The following GLIS3 variants were observed in gnomAD, a reference collection of about 807,000 sequenced individuals.
GLIS3 encodes zinc finger protein GLIS3.
A neutral mutation model predicts 78.6 loss-of-function variants in GLIS3; 53 were observed. The ratio of observed to expected loss-of-function variants is 0.67; its 90% CI spans 0.54 to 0.85. The LOEUF (loss-of-function observed/expected upper bound fraction) is 0.85, where lower values mean the gene tolerates loss of function less well. Ranked by LOEUF, GLIS3 falls within the 40% of genes least tolerant of loss-of-function variation. The pLI is 0.00. For synonymous variants in GLIS3, 684 were observed against 509.9 expected (o/e 1.34, Z -4.60); for missense variants, 1,703 against 1,231.1 (o/e 1.38, Z -5.74).
At chr9:4,147,520 C>G (rs895599229) in intron 2 of GLIS3, 2 of 152,200 alleles carry the variant, frequency 1.3e-5, no homozygotes, top group African/African-American at 4.8e-5. Flanking sequence ...GTGCAGAGTA[C>G]TTGGCATACA....
chr9:4,086,869 G>C (rs1353153520), intron 4 of GLIS3, among the ~76,000 whole-genome samples: 1 of 152,210 alleles, frequency 6.6e-6, no homozygotes, highest in Non-Finnish European at 1.5e-5. Context: ...CTGTTCTTCA[G>C]TTGTAGCATT....
chr9:4,393,441 T>C, the GLIS3 span, among the ~76,000 whole-genome samples: 1 of 152,214 alleles, frequency 6.6e-6, no homozygotes, highest in South Asian at 2.1e-4. Flanking sequence ...CACAGTATCA[T>C]TAGCTAATCC....
At chr9:4,114,906 C>G (rs1831516347) in intron 4 of GLIS3, among the ~76,000 whole-genome samples, 2 of 152,174 alleles carry the variant, frequency 1.3e-5, no homozygotes, top group South Asian at 4.1e-4. Flanking sequence ...AATTCACAGC[C>G]CTCCCCCAGT....
chr9:4,459,536 G>A, the GLIS3 span, among the ~76,000 whole-genome samples: 1 of 152,240 alleles, frequency 6.6e-6, no homozygotes. Flanking sequence ...GGCCAAGATG[G>A]GAGGATCACT....
the GLIS3 span, among the ~76,000 whole-genome samples, chr9:4,489,603 A>G: frequency 6.6e-6 from 1 of 152,156 alleles, no homozygotes; most frequent in Non-Finnish European, 1.5e-5. Context: ...ACTTAGCAAC[A>G]CCAAATATAT....
intron 2 of GLIS3, among the ~76,000 whole-genome samples, chr9:4,164,557 C>T (rs1314745045): frequency 6.6e-6 from 1 of 152,188 alleles, no homozygotes; most frequent in Non-Finnish European, 1.5e-5. Flanking sequence ...TCCTGCTCCC[C>T]TCACTTCTCC....
chr9:4,317,511 G>C (rs756929125), intron 2 of GLIS3, among the ~76,000 whole-genome samples: 2 of 152,126 alleles, frequency 1.3e-5, no homozygotes, highest in Non-Finnish European at 2.9e-5. Flanking sequence ...GTCTAAAGAA[G>C]ACACAAAATC....
In GLIS3 at chr9:4,298,365, A is replaced by C. The variant is rs193116478; in HGVS notation, c.-99+1056T>G. On this transcript the variant is annotated intron_variant, in intron 1 of 10. Coordinates refer to ENST00000381971, the MANE Select transcript of GLIS3 (RefSeq NM_001042413.2). ...CGCGGAGCCAGAAACCCTTCCCCAA[A>C]GTTTCTCCCGCCAGGTACCTAATTG... 2.6e-3 allele frequency: 1,174 copies of C among 455,974 alleles called. 15 individuals carry two copies. Among genetic ancestry groups the C allele is most frequent in the African/African-American group, 0.021 (1,059 of 50,144 alleles). The allele number at this position is 455,974 out of a possible 1,614,324, so 28.2% of individuals were successfully genotyped here.
intron 9 of GLIS3, among the ~76,000 whole-genome samples, chr9:3,853,314 T>G (rs879259079): frequency 2.0e-5 from 3 of 152,234 alleles, no homozygotes; most frequent in Non-Finnish European, 2.9e-5. Flanking sequence ...AAGAGTATTT[T>G]GCCAAGAGGT....
At chr9:3,916,286 A>C (rs1378122686) in intron 6 of GLIS3, among the ~76,000 whole-genome samples, 1 of 152,230 alleles carries the variant, frequency 6.6e-6, no homozygotes, top group Non-Finnish European at 1.5e-5. Context: ...TCAAAAGAAT[A>C]TCTCTATTCT....
At chr9:4,266,577 T>C (rs1826026833) in intron 2 of GLIS3, among the ~76,000 whole-genome samples, 2 of 140,108 alleles carry the variant, frequency 1.4e-5, no homozygotes, top group Non-Finnish European at 3.0e-5. Flanking sequence ...GCCTACATTT[T>C]ACACATGCAT....
chr9:4,179,232 G>A (rs955445124), intron 2 of GLIS3, among the ~76,000 whole-genome samples: 4 of 152,198 alleles, frequency 2.6e-5, no homozygotes, highest in African/African-American at 9.6e-5. Context: ...CAATTTGAAA[G>A]CACAGGGGCT....
chr9:4,369,765 A>C, the GLIS3 span, among the ~76,000 whole-genome samples: 1 of 152,224 alleles, frequency 6.6e-6, no homozygotes, highest in East Asian at 1.9e-4. Flanking sequence ...GACAAGTTGG[A>C]ACCATGAACT....
the GLIS3 span, among the ~76,000 whole-genome samples, chr9:4,391,373 C>T: frequency 6.6e-6 from 1 of 152,160 alleles, no homozygotes; most frequent in African/African-American, 2.4e-5. Flanking sequence ...GGGGTGTGTT[C>T]TCTTATTGGT....
intron 2 of GLIS3, among the ~76,000 whole-genome samples, chr9:4,236,542 G>C (rs1421908610): frequency 6.6e-6 from 1 of 152,040 alleles, no homozygotes; most frequent in African/African-American, 2.4e-5. Context: ...GTAAGCTGTA[G>C]AGGCATACCT....
intron 5 of GLIS3, among the ~76,000 whole-genome samples, chr9:3,934,650 C>G (rs1825795251): frequency 6.6e-6 from 1 of 152,202 alleles, no homozygotes; most frequent in Non-Finnish European, 1.5e-5. Context: ...CTCAGGTGAT[C>G]CACCCACCTT....
intron 4 of GLIS3, among the ~76,000 whole-genome samples, chr9:4,077,694 CG>C (rs532274440): frequency 7.2e-5 from 11 of 151,900 alleles, no homozygotes; most frequent in African/African-American, 1.7e-4. Context: ...ACAGGGGGCG[CG>C]GGGGGGTAAG....
At chr9:4,453,135 T>A in the GLIS3 span, among the ~76,000 whole-genome samples, 572 of 152,212 alleles carry the variant, frequency 3.8e-3, 4 homozygotes, top group African/African-American at 0.013. Context: ...CTGGATCCCT[T>A]CCTTACACCT....
At chr9:3,911,623 T>C (rs1824162985) in intron 6 of GLIS3, among the ~76,000 whole-genome samples, 1 of 152,234 alleles carries the variant, frequency 6.6e-6, no homozygotes. Flanking sequence ...AGACCCAGAC[T>C]ACGTGGAGTT....
Sources: gnomAD v4.1 joint callset for allele counts (sites outside exome capture counted in the v4.1 genomes callset) on GRCh38, gnomAD v4.1.1 for gene constraint, MANE v1.5 for transcripts, NCBI Gene and HGNC (gene_info 2026-07-23, HGNC 2026-07-21) for gene names.